SLCO6A1: variants seen among roughly 807,000 people sequenced by gnomAD.
The protein encoded by SLCO6A1 is cancer/testis antigen 48.
A neutral mutation model predicts 72.7 loss-of-function variants in SLCO6A1; 65 were observed. The ratio of observed to expected loss-of-function variants is 0.89; its 90% CI spans 0.73 to 1.10. The LOEUF (loss-of-function observed/expected upper bound fraction) is 1.10. SLCO6A1 is among the 50% of genes least tolerant of loss of function. The probability of loss-of-function intolerance (pLI) is 0.00; values close to 1 mark genes in which losing one functional copy is unlikely to be tolerated. For missense variants in SLCO6A1, 874 were observed against 872.6 expected, an observed-to-expected ratio of 1.00 and a Z score of -0.02; for synonymous variants, 314 against 298.2, an observed-to-expected ratio of 1.05 and a Z score of -0.55.
intron 7 of SLCO6A1, among the ~76,000 whole-genome samples, chr5:102,423,616 C>A (rs533221426): frequency 3.1e-4 from 47 of 152,268 alleles, no homozygotes; most frequent in Non-Finnish European, 5.1e-4. Flanking sequence ...CACCAAGATT[C>A]ATAAAGCAAG....
intron 1 of SLCO6A1, among the ~76,000 whole-genome samples, chr5:102,484,037 T>C (rs1456896594): frequency 6.6e-6 from 1 of 152,176 alleles, no homozygotes; most frequent in East Asian, 1.9e-4. Flanking sequence ...CCCTAAACTT[T>C]TCATTTTCCT....
At chr5:102,413,407 A>G (rs1183430313) in intron 8 of SLCO6A1, among the ~76,000 whole-genome samples, 1 of 144,042 alleles carries the variant, frequency 6.9e-6, no homozygotes, top group Non-Finnish European at 1.6e-5. Flanking sequence ...AACAAACATA[A>G]TAATAAAAAA....
At position 102,419,867 on chromosome 5, in the gene SLCO6A1, A is replaced by G. The variant is rs762946515; in HGVS notation, c.1431T>C (p.Cys477=). Residue 477 remains cysteine, a synonymous_variant, in exon 8 of 14, where the codon TGT becomes TGC. Coordinates refer to ENST00000506729, the MANE Select transcript of SLCO6A1 (RefSeq NM_173488.5). ...ILLVFIIFVR[C]NPVQFAGINE... The stretch of plus-strand genomic sequence containing the variant: ...TGATCCCAGCAAATTGCACTGGATT[A>G]CAGCGTACAAAAATAATAAACACAA... 6.2e-7 allele frequency: 1 copy of G among 1,608,422 alleles called. No homozygotes were observed.
At chr5:102,423,938 G>T (rs1748748499) in intron 7 of SLCO6A1, among the ~76,000 whole-genome samples, 1 of 152,146 alleles carries the variant, frequency 6.6e-6, no homozygotes. Context: ...AGACCAAAGT[G>T]CAACCAAATT....
Position 102,459,694 on chromosome 5 carries a change from G to A in SLCO6A1, c.983C>T (p.Thr328Ile), listed in dbSNP as rs1050219047. Residue 328 changes from threonine (T) to isoleucine (I), a missense_variant, in exon 5 of 14, where the codon ACA becomes ATA. Transcript: ENST00000506729. ...TGGAAAGCATGACAATGGTATTAAT[G>A]TACACCATGCAACGACAGCGGCAAA... The part of the protein sequence containing the change: ...FLFAAVVAWC[T>I]LIPLSCFPNN... 6.2e-7 allele frequency: 1 copy of A among 1,608,718 alleles called. No individual in the cohort carries two copies. The highest frequency in any genetic ancestry group is 1.3e-5 in the African/African-American group (1 of 74,366).
At chr5:102,452,783 A>G (rs1287814513) in intron 6 of SLCO6A1, among the ~76,000 whole-genome samples, 1 of 152,168 alleles carries the variant, frequency 6.6e-6, no homozygotes, top group Non-Finnish European at 1.5e-5. Flanking sequence ...ATGCCTAGAC[A>G]CTCAGGAGAA....
At chr5:102,447,420 T>A (rs1280395125) in intron 6 of SLCO6A1, among the ~76,000 whole-genome samples, 2 of 152,212 alleles carry the variant, frequency 1.3e-5, no homozygotes, top group African/African-American at 2.4e-5. Context: ...TTGATTTTTT[T>A]AGAATAGTTT....
chr5:102,379,400 A>G (rs948240551), intron 12 of SLCO6A1, among the ~76,000 whole-genome samples: 1 of 152,108 alleles, frequency 6.6e-6, no homozygotes, highest in Non-Finnish European at 1.5e-5. Flanking sequence ...TTATGGTTTT[A>G]TCTTTCATAT....
chr5:102,445,764 G>A (rs763849661), intron 6 of SLCO6A1, among the ~76,000 whole-genome samples: 2 of 152,108 alleles, frequency 1.3e-5, no homozygotes, highest in Non-Finnish European at 2.9e-5. Flanking sequence ...AAAGGTAGGG[G>A]TCCAGTTTCA....
chr5:102,449,358 TATA>T (rs1465436882), intron 6 of SLCO6A1, among the ~76,000 whole-genome samples: 1 of 151,480 alleles, frequency 6.6e-6, no homozygotes, highest in African/African-American at 2.4e-5. Context: ...AGTCATCTTG[TATA>T]ATATCTCACA....
At chr5:102,432,110 A>G (rs1749252955) in intron 7 of SLCO6A1, among the ~76,000 whole-genome samples, 1 of 151,856 alleles carries the variant, frequency 6.6e-6, no homozygotes, top group South Asian at 2.1e-4. Flanking sequence ...TTCTTCATCT[A>G]TTTTTGAGTC....
At chr5:102,483,169 C>A (rs542657182) in intron 1 of SLCO6A1, among the ~76,000 whole-genome samples, 1 of 152,262 alleles carries the variant, frequency 6.6e-6, no homozygotes, top group South Asian at 2.1e-4. Flanking sequence ...TGTGCAATGG[C>A]TTTCTTTTGG....
chr5:102,487,417 A>G (rs1752492639), intron 1 of SLCO6A1, among the ~76,000 whole-genome samples: 1 of 152,212 alleles, frequency 6.6e-6, no homozygotes, highest in Non-Finnish European at 1.5e-5. Context: ...AAATAACAAA[A>G]TCATAAAATG....
At chr5:102,464,558 G>A (rs1751215948) in intron 4 of SLCO6A1, among the ~76,000 whole-genome samples, 1 of 152,150 alleles carries the variant, frequency 6.6e-6, no homozygotes, top group Non-Finnish European at 1.5e-5. Flanking sequence ...AAAGAAATCT[G>A]TATGGGAAGA....
intron 12 of SLCO6A1, among the ~76,000 whole-genome samples, chr5:102,380,288 G>T (rs1272007756): frequency 6.6e-6 from 1 of 151,892 alleles, no homozygotes; most frequent in African/African-American, 2.4e-5. Context: ...TTTGCAAAAG[G>T]CTTATCTACT....
At chr5:102,429,202 G>C (rs1385271559) in intron 7 of SLCO6A1, among the ~76,000 whole-genome samples, 2 of 152,074 alleles carry the variant, frequency 1.3e-5, no homozygotes, top group Non-Finnish European at 2.9e-5. Context: ...CTGGATTTTA[G>C]ACCTTTGTCA....
chr5:102,475,680 A>T lies in SLCO6A1; in HGVS notation c.899+17T>A. On this transcript the variant is annotated intron_variant, in intron 4 of 13. Coordinates refer to ENST00000506729, the MANE Select transcript of SLCO6A1 (RefSeq NM_173488.5). ...TTTTATACAATGTAAACAAAAAAAG[A>T]AAAAATAATGCCTTACTTTGTTGCA... 2 of 1,567,458 alleles carry T rather than the reference A, an allele frequency of 1.3e-6. No homozygotes were observed. Among genetic ancestry groups the T allele is most frequent in the Non-Finnish European group, 1.7e-6 (2 of 1,155,312 alleles).
At chr5:102,407,306 A>G (rs1580368275) in intron 9 of SLCO6A1, among the ~76,000 whole-genome samples, 1 of 152,318 alleles carries the variant, frequency 6.6e-6, no homozygotes, top group South Asian at 2.1e-4. Flanking sequence ...ATGTAATGAA[A>G]GTGGATATAA....
intron 7 of SLCO6A1, among the ~76,000 whole-genome samples, chr5:102,421,156 C>G (rs994210715): frequency 6.6e-6 from 1 of 152,122 alleles, no homozygotes; most frequent in Non-Finnish European, 1.5e-5. Context: ...GCCTACACCA[C>G]CAGGGCCCTG....
Sources: gnomAD v4.1 joint callset for allele counts (sites outside exome capture counted in the v4.1 genomes callset) on GRCh38, gnomAD v4.1.1 for gene constraint, MANE v1.5 for transcripts, NCBI Gene and HGNC (gene_info 2026-07-23, HGNC 2026-07-21) for gene names.